TNFSF4: variants seen among roughly 807,000 people sequenced by gnomAD.
The protein encoded by TNFSF4 is tumor necrosis factor ligand superfamily member 4.
A neutral mutation model predicts 7.3 loss-of-function variants in TNFSF4; 4 were observed. That is an observed-to-expected ratio of 0.55 (90% CI 0.27 to 1.25). The LOEUF (loss-of-function observed/expected upper bound fraction) is 1.25, where lower values mean the gene tolerates loss of function less well. Among genes scored for constraint, TNFSF4 ranks in the 50% most tolerant of loss-of-function variants. The probability of loss-of-function intolerance (pLI) is 0.12; values close to 1 mark genes in which losing one functional copy is unlikely to be tolerated. For missense variants in TNFSF4, 181 were observed against 208.8 expected (o/e 0.87, Z 0.82); for synonymous variants, 76 against 83.7 (o/e 0.91, Z 0.50).
the TNFSF4 span, among the ~76,000 whole-genome samples, chr1:173,412,295 A>G: frequency 5.3e-5 from 8 of 152,246 alleles, no homozygotes; most frequent in Non-Finnish European, 7.4e-5. Flanking sequence ...CTACAAGTCT[A>G]TCTGCTTTCT....
At chr1:173,240,019 C>G in the TNFSF4 span, among the ~76,000 whole-genome samples, 4 of 151,868 alleles carry the variant, frequency 2.6e-5, no homozygotes, top group Non-Finnish European at 2.9e-5. Context: ...TGACAGAGCA[C>G]GACTCTGTCT....
rs1650219895 is a variant in TNFSF4, at chr1:173,206,897, C to T, written c.153+127G>A. 4 of 1,099,932 alleles carry T rather than the reference C, an allele frequency of 3.6e-6. No homozygotes were observed. In the South Asian group the frequency reaches 5.9e-5, roughly 16 times the overall value. 68.1% of individuals were successfully genotyped at this position (1,099,932 alleles called of 1,614,324 possible). ...GGCGTTTAACCACACTTTACGATTGCTGTGGGGAGAGGGAAAAAAAACTCA... is the reference window on the plus strand; with the variant it reads ...GGCGTTTAACCACACTTTACGATTGTTGTGGGGAGAGGGAAAAAAAACTCA... On this transcript the variant is annotated intron_variant, in intron 1 of 2. Transcript: ENST00000281834.
chr1:173,307,444 A>T, the TNFSF4 span, among the ~76,000 whole-genome samples: 1 of 151,956 alleles, frequency 6.6e-6, no homozygotes, highest in South Asian at 2.1e-4. Context: ...ACCATTACAG[A>T]TTAAAGAAAA....
chr1:173,207,091 G>A lies in TNFSF4; in HGVS notation c.86C>T (p.Ser29Phe), dbSNP rs1394319992. The change falls in exon 1 of 3, where the codon TCT becomes TTT. Residue 29 changes from serine (S) to phenylalanine (F), a missense_variant. Ser to Phe is a radical substitution (Grantham distance 155, BLOSUM62 -2). Transcript: ENST00000281834. ...FERNKLLLVA[S>F]VIQGLGLLLC... ...GAGCAGCCCCAGTCCCTGAATTACA[G>A]AGGCCACCAGCAATAGCTTGTTCCT... The A allele has an allele frequency of 1.2e-6, 2 of 1,613,744 alleles. No homozygotes were observed. The highest frequency in any genetic ancestry group is 2.7e-5 in the African/African-American group (2 of 74,878).
At chr1:173,396,965 A>G in the TNFSF4 span, among the ~76,000 whole-genome samples, 1 of 152,204 alleles carries the variant, frequency 6.6e-6, no homozygotes, top group East Asian at 1.9e-4. Context: ...AAATGCAGTG[A>G]GAGTAATTGG....
chr1:173,180,442 T>G (rs950608518), downstream of TNFSF4, among the ~76,000 whole-genome samples: 7 of 152,216 alleles, frequency 4.6e-5, no homozygotes, highest in Admixed American at 1.3e-4. Context: ...ATGGATAAAG[T>G]ATCATTAATT....
the TNFSF4 span, among the ~76,000 whole-genome samples, chr1:173,394,987 C>CATAGATAG: frequency 5.0e-4 from 63 of 126,968 alleles, 1 homozygote; most frequent in South Asian, 1.1e-3. Flanking sequence ...ATAGAGGACA[C>CATAGATAG]ATAGATAGAT....
the TNFSF4 span, among the ~76,000 whole-genome samples, chr1:173,172,927 T>C: frequency 0.11 from 16,181 of 152,162 alleles, 1,024 homozygotes; most frequent in Admixed American, 0.16. Context: ...TGGGAAGGCC[T>C]CAGGAAATTT....
At chr1:173,349,589 T>G in the TNFSF4 span, among the ~76,000 whole-genome samples, 9 of 152,210 alleles carry the variant, frequency 5.9e-5, no homozygotes, top group Admixed American at 3.3e-4. Context: ...ACTTTTCCCA[T>G]GACAGTGTGG....
At chr1:173,413,329 C>G in the TNFSF4 span, among the ~76,000 whole-genome samples, 1 of 152,158 alleles carries the variant, frequency 6.6e-6, no homozygotes, top group East Asian at 1.9e-4. Context: ...TGTGGGGGTT[C>G]TGAAAGGTTT....
At chr1:173,406,234 T>C in the TNFSF4 span, among the ~76,000 whole-genome samples, 2,124 of 152,256 alleles carry the variant, frequency 0.014, 48 homozygotes, top group African/African-American at 0.048. Flanking sequence ...AACAAATAAA[T>C]ATATGGATAG....
the TNFSF4 span, among the ~76,000 whole-genome samples, chr1:173,243,003 G>GC: frequency 0.022 from 1,440 of 64,506 alleles, 152 homozygotes; most frequent in South Asian, 0.068. Flanking sequence ...AAGTTGGTGG[G>GC]TGGGGGGGGG....
chr1:173,362,531 C>T, the TNFSF4 span: 5 of 539,984 alleles, frequency 9.3e-6, no homozygotes, highest in South Asian at 1.4e-5. Flanking sequence ...TTGGCTTTTG[C>T]CTCCATCCTT....
the TNFSF4 span, among the ~76,000 whole-genome samples, chr1:173,254,141 T>C: frequency 2.6e-5 from 4 of 152,240 alleles, no homozygotes; most frequent in Admixed American, 2.0e-4. Flanking sequence ...GTCTTAAGAC[T>C]CAAACTCTTT....
intron 1 of TNFSF4, among the ~76,000 whole-genome samples, chr1:173,198,779 A>C (rs1161831362): frequency 6.6e-6 from 1 of 152,134 alleles, no homozygotes; most frequent in Non-Finnish European, 1.5e-5. Flanking sequence ...GATGATCCCT[A>C]GTGTTGTGCA....
Position 173,184,810 on chromosome 1 carries a change from C to G in TNFSF4, c.*1706G>C, listed in dbSNP as rs959379025. Reference sequence around the variant, plus strand: ...ATTCTTGTAAATGTAAGTATTTAGCCCAGTGCCTGGTCCACAGTAGGCCCT... The same window carrying G: ...ATTCTTGTAAATGTAAGTATTTAGCGCAGTGCCTGGTCCACAGTAGGCCCT... On this transcript the variant is annotated 3_prime_UTR_variant, in exon 3 of 3. Transcript: ENST00000281834. The G allele has an allele frequency of 2.0e-5, 3 of 152,094 alleles. No homozygotes were observed. The highest frequency in any genetic ancestry group is 4.4e-5 in the Non-Finnish European group (3 of 68,004). 9.4% of individuals were successfully genotyped at this position (152,094 alleles called of 1,614,324 possible). A position where few individuals can be genotyped will look rare whatever the true frequency, so the allele number is the denominator to read the frequency against.
chr1:173,239,950 T>A, the TNFSF4 span, among the ~76,000 whole-genome samples: 1 of 152,054 alleles, frequency 6.6e-6, no homozygotes, highest in Non-Finnish European at 1.5e-5. Context: ...GAGAATCACT[T>A]GAACTGGGAG....
At chr1:173,269,860 T>C in the TNFSF4 span, among the ~76,000 whole-genome samples, 1 of 152,146 alleles carries the variant, frequency 6.6e-6, no homozygotes, top group African/African-American at 2.4e-5. Context: ...ATTTGATTCA[T>C]GTTTTAACAT....
chr1:173,308,285 C>CTCTCTCTCTCTGTGTGTGTGTG, the TNFSF4 span, among the ~76,000 whole-genome samples: 2 of 135,058 alleles, frequency 1.5e-5, no homozygotes, highest in African/African-American at 5.8e-5. Context: ...CTCTCTCTCT[C>CTCTCTCTCTCTGTGTGTGTGTG]TGTGTGTGTG....
Sources: allele counts gnomAD v4.1 joint callset (sites outside exome capture counted in the v4.1 genomes callset), GRCh38; gene constraint gnomAD v4.1.1; transcripts MANE v1.5; gene names NCBI Gene and HGNC (gene_info 2026-07-23, HGNC 2026-07-21).